Variants in EMCN observed in about 807,000 individuals in gnomAD.
EMCN encodes the protein MUC-14.
In EMCN, 37 loss-of-function variants were observed where a neutral mutation model predicts 38.4. The observed-to-expected ratio is 0.96, with a 90% CI of 0.74 to 1.27. EMCN has a LOEUF of 1.27. Among genes scored for constraint, EMCN ranks in the 50% most tolerant of loss-of-function variants. The probability of loss-of-function intolerance (pLI) is 0.00; values close to 1 mark genes in which losing one functional copy is unlikely to be tolerated. For synonymous variants in EMCN, 95 were observed against 100.8 expected (o/e 0.94, Z 0.35); for missense variants, 318 against 302.8 (o/e 1.05, Z -0.37).
At chr4:100,459,217 CTCTCTCT>C (rs1728105777) in intron 4 of EMCN, among the ~76,000 whole-genome samples, 3 of 41,918 alleles carry the variant, frequency 7.2e-5, no homozygotes, top group African/African-American at 2.8e-4. Context: ...CTCTCTCTCT[CTCTCTCT>C]CTCTCATCTC....
At chr4:100,408,125 G>T (rs1399342379) in intron 11 of EMCN, among the ~76,000 whole-genome samples, 1 of 152,056 alleles carries the variant, frequency 6.6e-6, no homozygotes, top group Non-Finnish European at 1.5e-5. Context: ...TCCTTGTATG[G>T]TTTTGTTGAA....
At chr4:100,430,236 A>G (rs1205531209) in intron 5 of EMCN, among the ~76,000 whole-genome samples, 1 of 152,110 alleles carries the variant, frequency 6.6e-6, no homozygotes, top group Non-Finnish European at 1.5e-5. Context: ...TGAGAGATTC[A>G]TTTGCCCAGG....
At chr4:100,427,179 G>T (rs772085977) in intron 5 of EMCN, among the ~76,000 whole-genome samples, 2 of 151,960 alleles carry the variant, frequency 1.3e-5, no homozygotes, top group Admixed American at 1.3e-4. Flanking sequence ...TCTTTATGTG[G>T]CTACCAATAG....
chr4:100,458,997 G>A (rs1728093980), intron 4 of EMCN, among the ~76,000 whole-genome samples: 1 of 151,808 alleles, frequency 6.6e-6, no homozygotes, highest in African/African-American at 2.4e-5. Context: ...TTGAGTTAGA[G>A]AAGCAGGCAA....
intron 3 of EMCN, among the ~76,000 whole-genome samples, chr4:100,470,839 C>T (rs1728457130): frequency 6.6e-6 from 1 of 151,852 alleles, no homozygotes; most frequent in Non-Finnish European, 1.5e-5. Flanking sequence ...ATGATGAGAA[C>T]ACATGAACAC....
At chr4:100,464,001 C>T (rs1728250223) in intron 4 of EMCN, among the ~76,000 whole-genome samples, 1 of 151,948 alleles carries the variant, frequency 6.6e-6, no homozygotes, top group African/African-American at 2.4e-5. Flanking sequence ...TATTGATCAA[C>T]TTGGAGAGAA....
chr4:100,436,657 T>C (rs891911794), intron 5 of EMCN, among the ~76,000 whole-genome samples: 3 of 152,194 alleles, frequency 2.0e-5, no homozygotes, highest in African/African-American at 7.2e-5. Context: ...CTGGTATATA[T>C]ACACCATGGT....
intron 1 of EMCN, 61 bp downstream of exon 1, chr4:100,517,790 G>T: frequency 1.3e-6 from 2 of 1,500,924 alleles, no homozygotes; most frequent in Non-Finnish European, 1.9e-6. Flanking sequence ...GTAAACTGAG[G>T]CTGAGTCACC....
At chr4:100,485,613 TAATAA>T (rs1224886845) in intron 1 of EMCN, among the ~76,000 whole-genome samples, 1 of 151,530 alleles carries the variant, frequency 6.6e-6, no homozygotes, top group Non-Finnish European at 1.5e-5. Flanking sequence ...CATAAAAATA[TAATAA>T]AATATACAAA....
At chr4:100,416,879 T>G (rs530294895) in intron 9 of EMCN, among the ~76,000 whole-genome samples, 1 of 152,140 alleles carries the variant, frequency 6.6e-6, no homozygotes, top group Non-Finnish European at 1.5e-5. Flanking sequence ...CATAATTATA[T>G]TCATTCTTCT....
intron 1 of EMCN, among the ~76,000 whole-genome samples, chr4:100,484,861 TAAA>T (rs759872563): frequency 3.9e-5 from 6 of 152,136 alleles, no homozygotes; most frequent in Non-Finnish European, 8.8e-5. Flanking sequence ...CACCAATTAG[TAAA>T]AAAGTTTCTT....
At chr4:100,444,096 G>T (rs530126030) in intron 5 of EMCN, among the ~76,000 whole-genome samples, 3 of 152,330 alleles carry the variant, frequency 2.0e-5, no homozygotes, top group Admixed American at 6.5e-5. Flanking sequence ...GGTGGGAGGG[G>T]TGCAGCACAG....
At chr4:100,460,437 A>G (rs1728147081) in intron 4 of EMCN, among the ~76,000 whole-genome samples, 1 of 152,172 alleles carries the variant, frequency 6.6e-6, no homozygotes, top group Non-Finnish European at 1.5e-5. Flanking sequence ...TTTATGAAAT[A>G]AGAGGTTTAC....
chr4:100,445,865 T>C (rs769251973), intron 5 of EMCN, among the ~76,000 whole-genome samples: 3 of 152,194 alleles, frequency 2.0e-5, no homozygotes, highest in Non-Finnish European at 4.4e-5. Context: ...TAGTGGCTTA[T>C]AGGACCAGTC....
At chr4:100,409,087 T>G (rs1479942161) in intron 11 of EMCN, among the ~76,000 whole-genome samples, 3 of 152,224 alleles carry the variant, frequency 2.0e-5, no homozygotes, top group Admixed American at 1.3e-4. Flanking sequence ...AAGAAATTTC[T>G]GAGTGTCTGT....
chr4:100,464,456 C>T (rs1489702025), intron 4 of EMCN, among the ~76,000 whole-genome samples: 2 of 152,018 alleles, frequency 1.3e-5, no homozygotes, highest in South Asian at 4.1e-4. Flanking sequence ...GAACAGACAT[C>T]TTTGGTATGT....
At chr4:100,416,062 T>C in intron 9 of EMCN, 103 bp from the exon 10 acceptor site, 1 of 624,172 alleles carries the variant, frequency 1.6e-6, no homozygotes, top group Non-Finnish European at 2.8e-6. Context: ...CATATGCATA[T>C]ATATATATAA....
intron 3 of EMCN, among the ~76,000 whole-genome samples, chr4:100,471,141 G>GA (rs757532599): frequency 8.0e-5 from 12 of 150,788 alleles, no homozygotes; most frequent in African/African-American, 1.9e-4. Flanking sequence ...ACACAACACA[G>GA]AAAAAAAACA....
intron 3 of EMCN, among the ~76,000 whole-genome samples, chr4:100,472,778 G>A (rs892766861): frequency 1.6e-4 from 24 of 151,898 alleles, no homozygotes; most frequent in African/African-American, 5.1e-4. Context: ...ATAACAATAG[G>A]CATATAGGTA....
Sources: gnomAD v4.1 joint callset for allele counts (sites outside exome capture counted in the v4.1 genomes callset) on GRCh38, gnomAD v4.1.1 for gene constraint, MANE v1.5 for transcripts, NCBI Gene and HGNC (gene_info 2026-07-23, HGNC 2026-07-21) for gene names.